CTDSP2: variants seen among roughly 807,000 people sequenced by gnomAD.
CTDSP2 encodes the protein CTD small phosphatase 2, also known as carboxy-terminal domain RNA polymerase II polypeptide A small phosphatase 2.
CTDSP2 carries 9 observed loss-of-function variants against 31.6 expected under a neutral mutation model. The ratio of observed to expected loss-of-function variants is 0.28; its 90% confidence interval spans 0.17 to 0.50. The LOEUF (loss-of-function observed/expected upper bound fraction) is 0.50, where lower values mean the gene tolerates loss of function less well. Among genes scored for constraint, CTDSP2 ranks in the 20% least tolerant of loss-of-function variants. The pLI is 0.98. For synonymous variants in CTDSP2, 134 were observed against 134.5 expected (o/e 1.00, Z 0.03); for missense variants, 267 against 348.5 (o/e 0.77, Z 1.86).
At chr12:57,844,247 A>C (rs1007304037) in intron 1 of CTDSP2, among the ~76,000 whole-genome samples, 1 of 152,370 alleles carries the variant, frequency 6.6e-6, no homozygotes, top group African/African-American at 2.4e-5. Context: ...CTGCTGGCTT[A>C]AACCACACAC....
chr12:57,828,999 GAAC>G (rs1271209043), intron 2 of CTDSP2, among the ~76,000 whole-genome samples: 27 of 152,208 alleles, frequency 1.8e-4, no homozygotes, highest in Non-Finnish European at 2.9e-5. Flanking sequence ...GCATAATTGA[GAAC>G]AACAACACAG....
At chr12:57,840,190 C>T (rs1015118189) in intron 1 of CTDSP2, among the ~76,000 whole-genome samples, 1 of 152,252 alleles carries the variant, frequency 6.6e-6, no homozygotes. Flanking sequence ...GCCTGACCCA[C>T]CTGCCCATGC....
At chr12:57,824,707 C>T (rs753176201) in intron 5 of CTDSP2, 2 of 535,362 alleles carry the variant, frequency 3.7e-6, no homozygotes, top group Non-Finnish European at 7.6e-6. Context: ...TGGGAGCTTT[C>T]TGTCCTTGGC....
chr12:57,824,328 G>A lies in CTDSP2; in HGVS notation c.412-9C>T. ...CTCTTGAGCACATACACCTGAGGAA[G>A]AGCAGAGCAGCCTGTTGGAGGCATC... On this transcript the variant is annotated splice_polypyrimidine_tract_variant and intron_variant, in intron 5 of 7. Transcript: ENST00000398073. 1.2e-6 allele frequency: 2 copies of A among 1,607,126 alleles called. No homozygotes were observed. The highest frequency in any genetic ancestry group is 1.7e-6 in the Non-Finnish European group (2 of 1,173,746).
intron 1 of CTDSP2, among the ~76,000 whole-genome samples, chr12:57,832,268 G>A (rs1003785528): frequency 2.6e-5 from 4 of 152,338 alleles, no homozygotes; most frequent in Admixed American, 2.6e-4. Flanking sequence ...TCACTTTCAA[G>A]CTCCTGGCTC....
In CTDSP2 at chr12:57,824,337, A is replaced by G. The variant is rs750591292; in HGVS notation, c.412-18T>C. ...ACATACACCTGAGGAAGAGCAGAGC[A>G]GCCTGTTGGAGGCATCCCTGTGATG... On this transcript the variant is annotated intron_variant, in intron 5 of 7. Coordinates refer to ENST00000398073, the MANE Select transcript of CTDSP2 (RefSeq NM_005730.4). 3.8e-6 allele frequency: 6 copies of G among 1,580,904 alleles called. No homozygotes were observed. The highest frequency in any genetic ancestry group is 2.2e-5 in the South Asian group (2 of 90,318).
intron 1 of CTDSP2, among the ~76,000 whole-genome samples, chr12:57,840,159 G>A: frequency 6.6e-6 from 1 of 152,162 alleles, no homozygotes; most frequent in Non-Finnish European, 1.5e-5. Flanking sequence ...GAGCCACAAG[G>A]AGCATTTGGA....
At chr12:57,841,405 A>G (rs1956281819) in intron 1 of CTDSP2, among the ~76,000 whole-genome samples, 1 of 152,248 alleles carries the variant, frequency 6.6e-6, no homozygotes, top group Non-Finnish European at 1.5e-5. Flanking sequence ...TTAACTCTCA[A>G]AGCAGACAGT....
intron 1 of CTDSP2, among the ~76,000 whole-genome samples, chr12:57,841,147 T>C (rs12315962): frequency 0.02 from 3,107 of 152,198 alleles, 98 homozygotes; most frequent in African/African-American, 0.072. Flanking sequence ...GTGAGGGAAA[T>C]ATGTCAGGGC....
rs1397705018 is a variant in CTDSP2 at position 57,829,500 on chromosome 12, C to T, written c.161G>A (p.Ser54Asn). 6.2e-7 allele frequency: 1 copy of T among 1,614,186 alleles called. No individual in the cohort carries two copies. The highest frequency in any genetic ancestry group is 2.2e-5 in the East Asian group (1 of 44,884). Reference sequence around the variant, plus strand: ...ATACGCAGCGAGCTCAGTGGAGGAACTTGACTGGCCAACATGCTGGGCGCG... The same window carrying T: ...ATACGCAGCGAGCTCAGTGGAGGAATTTGACTGGCCAACATGCTGGGCGCG... ...CFRAQHVGQS[S>N]SSTELAAYKE... The change falls in exon 2 of 8, where the codon AGT becomes AAT. Residue 54 changes from serine (S) to asparagine (N), a missense_variant. By Grantham distance (46) the Ser-to-Asn change is conservative (BLOSUM62 1). Coordinates refer to ENST00000398073, the MANE Select transcript of CTDSP2 (RefSeq NM_005730.4).
chr12:57,843,964 G>A (rs942515869), intron 1 of CTDSP2, among the ~76,000 whole-genome samples: 1 of 151,950 alleles, frequency 6.6e-6, no homozygotes, highest in African/African-American at 2.4e-5. Context: ...TTGGGAGGCC[G>A]AAGGGGGCTG....
chr12:57,844,192 C>T (rs1956299447), intron 1 of CTDSP2, among the ~76,000 whole-genome samples: 1 of 152,124 alleles, frequency 6.6e-6, no homozygotes, highest in African/African-American at 2.4e-5. Flanking sequence ...AAGACTCCAT[C>T]TCAATTAAAA....
At chr12:57,832,822 AAAG>A (rs1956224908) in intron 1 of CTDSP2, among the ~76,000 whole-genome samples, 3 of 149,174 alleles carry the variant, frequency 2.0e-5, no homozygotes, top group African/African-American at 4.9e-5. Context: ...AAAAAAAGGA[AAAG>A]AAAAAGAAAA....
At chr12:57,846,226 T>C (rs1308561296) in intron 1 of CTDSP2, 146 bp downstream of exon 1, 1 of 682,984 alleles carries the variant, frequency 1.5e-6, no homozygotes. Context: ...CCAGCCGGGA[T>C]GCGGGGGCGG....
chr12:57,825,593 G>A lies in CTDSP2; in HGVS notation c.411+753C>T, dbSNP rs369271915. On this transcript the variant is annotated intron_variant, in intron 5 of 7. Transcript: ENST00000398073. ...AGCCTAGTCCTGACCGGGGCCTGGC[G>A]CTGGGCATGGCAGGCCTTCTGGGCA... Among the ~76,000 whole-genome samples the A allele has an allele frequency of 2.1e-4, 32 of 152,342 alleles. No homozygotes were observed. In the South Asian group the frequency reaches 6.2e-3, roughly 30 times the overall value.
At position 57,838,952 on chromosome 12, in the gene CTDSP2, G is replaced by A. The variant is rs201072567; in HGVS notation, c.64+7420C>T. ...AAATGTTCACATTAAAGGGACCATA[G>A]AGATTTCTTCTAACTCATTTCAGAG... On this transcript the variant is annotated intron_variant, in intron 1 of 7. Coordinates refer to ENST00000398073, the MANE Select transcript of CTDSP2 (RefSeq NM_005730.4). Among the ~76,000 whole-genome samples, 4 of 152,324 alleles carry A rather than the reference G, an allele frequency of 2.6e-5. No individual in the cohort carries two copies. In the East Asian group the frequency reaches 7.7e-4, roughly 29 times the overall value.
chr12:57,846,335 G>T, intron 1 of CTDSP2, 37 bp downstream of exon 1: 2 of 1,579,224 alleles, frequency 1.3e-6, no homozygotes, highest in East Asian at 2.3e-5. Context: ...TCCGCGCCCG[G>T]GGGCGACGCA....
chr12:57,838,801 A>G (rs1956263460), intron 1 of CTDSP2, among the ~76,000 whole-genome samples: 1 of 152,202 alleles, frequency 6.6e-6, no homozygotes, highest in South Asian at 2.1e-4. Flanking sequence ...AAGACTACCT[A>G]TTTCTCAGTG....
chr12:57,843,980 C>T (rs1033527267), intron 1 of CTDSP2, among the ~76,000 whole-genome samples: 3 of 151,772 alleles, frequency 2.0e-5, no homozygotes, highest in Admixed American at 6.6e-5. Context: ...GGCTGATCAC[C>T]TCAGGAGTCG....
Sources: gnomAD v4.1 joint callset for allele counts (sites outside exome capture counted in the v4.1 genomes callset) on GRCh38, gnomAD v4.1.1 for gene constraint, MANE v1.5 for transcripts, NCBI Gene and HGNC (gene_info 2026-07-23, HGNC 2026-07-21) for gene names.